The following TBC1D32 variants were observed in gnomAD, a reference collection of about 807,000 sequenced individuals.
TBC1D32 encodes protein broad-minded.
A neutral mutation model predicts 170.3 loss-of-function variants in TBC1D32; 151 were observed. That is an observed-to-expected ratio of 0.89 (90% CI 0.78 to 1.01). The LOEUF (loss-of-function observed/expected upper bound fraction) is 1.01, where lower values mean the gene tolerates loss of function less well. TBC1D32 is among the 50% of genes least tolerant of loss of function. TBC1D32 has a pLI of 0.00. For missense variants in TBC1D32, 1,464 were observed against 1,457.1 expected, an observed-to-expected ratio of 1.00 and a Z score of -0.08; for synonymous variants, 498 against 488.0, an observed-to-expected ratio of 1.02 and a Z score of -0.27.
intron 21 of TBC1D32, among the ~76,000 whole-genome samples, chr6:121,205,578 G>A (rs1217079106): frequency 3.3e-5 from 5 of 152,188 alleles, no homozygotes; most frequent in Non-Finnish European, 7.4e-5. Flanking sequence ...AATGAACAAC[G>A]GATCAAAATG....
chr6:121,240,192 G>C (rs1697983402), intron 19 of TBC1D32, among the ~76,000 whole-genome samples: 1 of 151,928 alleles, frequency 6.6e-6, no homozygotes, highest in Non-Finnish European at 1.5e-5. Flanking sequence ...CCCCTCTCAT[G>C]AAAAGTTTGA....
chr6:121,185,886 G>C (rs1789147112), intron 22 of TBC1D32, among the ~76,000 whole-genome samples: 1 of 151,988 alleles, frequency 6.6e-6, no homozygotes, highest in African/African-American at 2.4e-5. Context: ...TGGTGGAATG[G>C]CATGTTGAAA....
In TBC1D32 at chr6:121,279,114, C is replaced by T; in HGVS notation, c.1733+7G>A. 6.3e-7 allele frequency: 1 copy of T among 1,588,742 alleles called. No individual in the cohort carries two copies. The highest frequency in any genetic ancestry group is 1.2e-5 in the South Asian group (1 of 86,074). On this transcript the variant is annotated splice_region_variant and intron_variant, in intron 15 of 31. Coordinates refer to ENST00000398212, the MANE Select transcript of TBC1D32 (RefSeq NM_152730.6). ...GAATAATTATCCGGATTTAAAATAG[C>T]ACATACCTTTCTTCAGAAGAGTTCA...
intron 24 of TBC1D32, among the ~76,000 whole-genome samples, chr6:121,156,074 T>A (rs756762591): frequency 6.6e-6 from 1 of 152,114 alleles, no homozygotes; most frequent in East Asian, 1.9e-4. Context: ...TTTGGAATAG[T>A]TTCATAAGGA....
chr6:121,195,932 A>T lies in TBC1D32; in HGVS notation c.2570+9143T>A, dbSNP rs139564187. On this transcript the variant is annotated intron_variant, in intron 22 of 31. Transcript: ENST00000398212. ...GAAATGGCCAGATGTGTAATTATAC[A>T]CTGATTCATGGGCTGTAGCCAGTGG... is the stretch of plus-strand genomic sequence containing the variant. 2.1e-3 allele frequency among the ~76,000 whole-genome samples: 315 copies of T among 152,238 alleles called. 1 individual carries two copies. The highest frequency in any genetic ancestry group is 7.3e-3 in the African/African-American group (303 of 41,540).
At chr6:121,198,863 G>A (rs937847359) in intron 22 of TBC1D32, among the ~76,000 whole-genome samples, 2 of 151,370 alleles carry the variant, frequency 1.3e-5, no homozygotes, top group Non-Finnish European at 2.9e-5. Flanking sequence ...TTTAATAAAG[G>A]AGGAAAATAA....
intron 1 of TBC1D32, among the ~76,000 whole-genome samples, chr6:121,333,357 A>C (rs1811443312): frequency 6.6e-6 from 1 of 152,132 alleles, no homozygotes; most frequent in Admixed American, 6.5e-5. Flanking sequence ...CTCAAATGGC[A>C]CTTCTATCAT....
intron 10 of TBC1D32, among the ~76,000 whole-genome samples, chr6:121,297,624 T>C (rs1427120734): frequency 3.3e-5 from 5 of 152,082 alleles, no homozygotes; most frequent in Non-Finnish European, 7.4e-5. Flanking sequence ...TTTTCAGGGA[T>C]ATCTATAAAA....
intron 25 of TBC1D32, among the ~76,000 whole-genome samples, chr6:121,126,744 T>G (rs1458875498): frequency 6.6e-6 from 1 of 152,030 alleles, no homozygotes; most frequent in Non-Finnish European, 1.5e-5. Context: ...CTAAATGATT[T>G]CAAAACTGAA....
intron 22 of TBC1D32, among the ~76,000 whole-genome samples, chr6:121,187,501 A>C (rs749653056): frequency 6.6e-6 from 1 of 152,076 alleles, no homozygotes; most frequent in Non-Finnish European, 1.5e-5. Flanking sequence ...TCCTGGCCTA[A>C]TAAATCAGTT....
At chr6:121,297,700 T>C (rs928207258) in intron 10 of TBC1D32, among the ~76,000 whole-genome samples, 4 of 152,144 alleles carry the variant, frequency 2.6e-5, no homozygotes, top group Admixed American at 6.5e-5. Context: ...AAACATAAGA[T>C]AGAATAGAAC....
intron 6 of TBC1D32, 36 bp from the exon 7 acceptor site, chr6:121,304,661 C>G: frequency 6.5e-7 from 1 of 1,549,738 alleles, no homozygotes; most frequent in Non-Finnish European, 8.8e-7. Context: ...TTACATCATT[C>G]ATTTACAGTG....
chr6:121,250,641 G>T (rs6928060), intron 17 of TBC1D32, among the ~76,000 whole-genome samples: 97,512 of 151,968 alleles, frequency 0.64, 36,722 homozygotes, highest in Non-Finnish European at 0.84. Context: ...TACTGAATGG[G>T]CAAAAACTGG....
chr6:121,108,688 T>C (rs1169038262), intron 29 of TBC1D32, among the ~76,000 whole-genome samples: 2 of 152,092 alleles, frequency 1.3e-5, no homozygotes, highest in African/African-American at 4.8e-5. Context: ...TCTTAGTTTT[T>C]TTTCTTCCAT....
At chr6:121,184,010 T>G (rs1462543177) in intron 22 of TBC1D32, among the ~76,000 whole-genome samples, 4 of 152,060 alleles carry the variant, frequency 2.6e-5, no homozygotes, top group African/African-American at 9.7e-5. Flanking sequence ...TTTACAATAG[T>G]GTATCTGTTC....
chr6:121,118,152 C>A (rs116125451), intron 26 of TBC1D32, among the ~76,000 whole-genome samples: 2,665 of 152,124 alleles, frequency 0.018, 80 homozygotes, highest in African/African-American at 0.061. Flanking sequence ...AGAAATTATA[C>A]TTTAAATATC....
At chr6:121,128,649 T>C (rs1460950135) in intron 25 of TBC1D32, among the ~76,000 whole-genome samples, 1 of 152,124 alleles carries the variant, frequency 6.6e-6, no homozygotes, top group East Asian at 1.9e-4. Flanking sequence ...ATCTATTTCC[T>C]GGGGTAGGAA....
At chr6:121,288,896 C>A (rs959553789) in intron 12 of TBC1D32, among the ~76,000 whole-genome samples, 14 of 152,124 alleles carry the variant, frequency 9.2e-5, no homozygotes, top group Admixed American at 2.0e-4. Flanking sequence ...GAACCAACGA[C>A]AAAAACCATA....
intron 3 of TBC1D32, 95 bp downstream of exon 3, chr6:121,317,400 A>C (rs1563377763): frequency 1.0e-6 from 1 of 970,266 alleles, no homozygotes; most frequent in African/African-American, 1.7e-5. Context: ...CTGAATCTTA[A>C]GAAGGCAGGA....
Sources: allele counts gnomAD v4.1 joint callset (sites outside exome capture counted in the v4.1 genomes callset), GRCh38; gene constraint gnomAD v4.1.1; transcripts MANE v1.5; gene names NCBI Gene and HGNC (gene_info 2026-07-23, HGNC 2026-07-21).